HS3ST4: variants seen among roughly 807,000 people sequenced by gnomAD.
HS3ST4 encodes the protein heparan sulfate-glucosamine 3-sulfotransferase 4, also known as heparan sulfate glucosamine 3-O-sulfotransferase 4.
HS3ST4 carries 17 observed loss-of-function variants against 29.2 expected under a neutral mutation model. That is an observed-to-expected ratio of 0.58 (90% CI 0.40 to 0.87). The LOEUF (loss-of-function observed/expected upper bound fraction) is 0.87. HS3ST4 is among the 40% of genes least tolerant of loss of function. The probability of loss-of-function intolerance (pLI) is 0.00; values close to 1 mark genes in which losing one functional copy is unlikely to be tolerated. For synonymous variants in HS3ST4, 314 were observed against 285.7 expected (o/e 1.10, Z -1.00); for missense variants, 627 against 634.5 (o/e 0.99, Z 0.13).
intron 1 of HS3ST4, among the ~76,000 whole-genome samples, chr16:26,133,479 A>G (rs1167351001): frequency 6.6e-6 from 1 of 152,210 alleles, no homozygotes; most frequent in African/African-American, 2.4e-5. Context: ...ACAGACACAC[A>G]CAAAGGCATT....
chr16:26,015,520 T>G (rs28368461), intron 1 of HS3ST4, among the ~76,000 whole-genome samples: 6,500 of 152,266 alleles, frequency 0.043, 462 homozygotes, highest in African/African-American at 0.14. Context: ...AATAACTTAA[T>G]CATGACTGAT....
rs374566898 is a variant in HS3ST4, at chr16:25,908,993, T to G, written c.734+215842T>G. Reference sequence around the variant, plus strand: ...TGTGCTGGGCACACAGCCTCACATTTCACATGAGTCCTTGCTCCATCATTG... The same window carrying G: ...TGTGCTGGGCACACAGCCTCACATTGCACATGAGTCCTTGCTCCATCATTG... On this transcript the variant is annotated intron_variant, in intron 1 of 1. Transcript: ENST00000331351. Among the ~76,000 whole-genome samples, 7 of 152,270 alleles carry G rather than the reference T, an allele frequency of 4.6e-5. No individual in the cohort carries two copies. In the East Asian group the frequency reaches 1.4e-3, roughly 30 times the overall value.
chr16:25,987,330 C>T (rs550586884), intron 1 of HS3ST4, among the ~76,000 whole-genome samples: 155 of 147,754 alleles, frequency 1.0e-3, no homozygotes, highest in African/African-American at 3.8e-3. Flanking sequence ...GCCTGGGCAA[C>T]AAGAGCAAAA....
At chr16:26,084,610 A>T (rs542420249) in intron 1 of HS3ST4, among the ~76,000 whole-genome samples, 173 of 151,986 alleles carry the variant, frequency 1.1e-3, no homozygotes, top group African/African-American at 3.9e-3. Flanking sequence ...TGGTTGAAAA[A>T]AATTTTTTTT....
intron 1 of HS3ST4, among the ~76,000 whole-genome samples, chr16:26,073,788 C>T (rs1388189411): frequency 6.6e-6 from 1 of 152,138 alleles, no homozygotes; most frequent in Non-Finnish European, 1.5e-5. Context: ...TACCAAATAT[C>T]CTGGGTTTGA....
chr16:25,797,739 G>A (rs1280834559), intron 1 of HS3ST4, among the ~76,000 whole-genome samples: 2 of 152,156 alleles, frequency 1.3e-5, no homozygotes, highest in Non-Finnish European at 2.9e-5. Context: ...TGACGATGAT[G>A]CCTTGTTAAT....
At chr16:25,929,875 T>C (rs548587248) in intron 1 of HS3ST4, among the ~76,000 whole-genome samples, 1 of 152,352 alleles carries the variant, frequency 6.6e-6, no homozygotes, top group South Asian at 2.1e-4. Context: ...TCATGGGCTT[T>C]TGTTGTATGG....
chr16:25,948,496 A>G (rs897334864), intron 1 of HS3ST4, among the ~76,000 whole-genome samples: 4 of 152,212 alleles, frequency 2.6e-5, no homozygotes, highest in African/African-American at 9.6e-5. Context: ...AATTCCAGTC[A>G]TACATGGTCC....
chr16:25,800,322 T>C (rs538701657), intron 1 of HS3ST4, among the ~76,000 whole-genome samples: 1 of 152,172 alleles, frequency 6.6e-6, no homozygotes, highest in East Asian at 1.9e-4. Flanking sequence ...CACTTAAATA[T>C]CTTGTCTATT....
chr16:25,849,811 G>A (rs1185205121), intron 1 of HS3ST4, among the ~76,000 whole-genome samples: 1 of 145,128 alleles, frequency 6.9e-6, no homozygotes, highest in Non-Finnish European at 1.5e-5. Context: ...CTCACTTAGA[G>A]CTCCTTAATC....
chr16:25,788,185 T>G (rs1966860382), intron 1 of HS3ST4, among the ~76,000 whole-genome samples: 1 of 152,022 alleles, frequency 6.6e-6, no homozygotes, highest in Admixed American at 6.6e-5. Context: ...GGCTGAGAAG[T>G]GTGAATCACC....
At chr16:26,116,233 C>A (rs1278682964) in intron 1 of HS3ST4, among the ~76,000 whole-genome samples, 1 of 152,160 alleles carries the variant, frequency 6.6e-6, no homozygotes, top group African/African-American at 2.4e-5. Flanking sequence ...GACAAGTGAA[C>A]CTCTCTATAG....
At chr16:26,109,546 A>C (rs564944850) in intron 1 of HS3ST4, among the ~76,000 whole-genome samples, 1 of 152,210 alleles carries the variant, frequency 6.6e-6, no homozygotes, top group South Asian at 2.1e-4. Flanking sequence ...TGTTCTGTCC[A>C]TCTGGAGGCT....
intron 1 of HS3ST4, among the ~76,000 whole-genome samples, chr16:25,815,048 C>T (rs1967079306): frequency 2.0e-5 from 3 of 152,178 alleles, no homozygotes; most frequent in Admixed American, 2.0e-4. Context: ...GACACAGTGA[C>T]CATGCAGCGA....
At chr16:25,836,546 C>T (rs1039575290) in intron 1 of HS3ST4, among the ~76,000 whole-genome samples, 12 of 152,206 alleles carry the variant, frequency 7.9e-5, no homozygotes, top group Non-Finnish European at 1.5e-4. Flanking sequence ...AAAGTCTCCA[C>T]TTCTGCTATT....
chr16:26,057,064 G>A (rs1264386594), intron 1 of HS3ST4, among the ~76,000 whole-genome samples: 2 of 152,152 alleles, frequency 1.3e-5, no homozygotes, highest in Admixed American at 6.5e-5. Flanking sequence ...ATGCTCAAAG[G>A]AAGTGCTCAT....
intron 1 of HS3ST4, among the ~76,000 whole-genome samples, chr16:25,873,021 C>A (rs1468954059): frequency 6.6e-6 from 1 of 152,134 alleles, no homozygotes; most frequent in Non-Finnish European, 1.5e-5. Flanking sequence ...CCTATTTCAT[C>A]CAGTTCTTAA....
At chr16:25,854,475 C>T (rs1967554109) in intron 1 of HS3ST4, among the ~76,000 whole-genome samples, 1 of 151,656 alleles carries the variant, frequency 6.6e-6, no homozygotes, top group South Asian at 2.1e-4. Context: ...TTCTGTATTG[C>T]CATCTGTTTT....
At chr16:25,950,295 A>G (rs1318929687) in intron 1 of HS3ST4, among the ~76,000 whole-genome samples, 2 of 152,100 alleles carry the variant, frequency 1.3e-5, no homozygotes, top group East Asian at 3.9e-4. Context: ...CAACACACTC[A>G]GAGACATCAC....
Sources: gnomAD v4.1 joint callset for allele counts (sites outside exome capture counted in the v4.1 genomes callset) on GRCh38, gnomAD v4.1.1 for gene constraint, MANE v1.5 for transcripts, NCBI Gene and HGNC (gene_info 2026-07-23, HGNC 2026-07-21) for gene names.